ITGA9: variants seen among roughly 807,000 people sequenced by gnomAD.
The protein encoded by ITGA9 is integrin subunit alpha 9.
A neutral mutation model predicts 127.8 loss-of-function variants in ITGA9; 56 were observed. The ratio of observed to expected loss-of-function variants is 0.44; its 90% CI spans 0.35 to 0.55. ITGA9 has a LOEUF of 0.55. ITGA9 is among the 20% of genes least tolerant of loss of function. ITGA9 has a pLI of 0.00. For synonymous variants in ITGA9, 508 were observed against 514.5 expected, an observed-to-expected ratio of 0.99 and a Z score of 0.17; for missense variants, 1,196 against 1,347.1, an observed-to-expected ratio of 0.89 and a Z score of 1.76.
chr3:37,514,756 A>G (rs1023349658), intron 9 of ITGA9, among the ~76,000 whole-genome samples: 3 of 152,126 alleles, frequency 2.0e-5, no homozygotes, highest in Non-Finnish European at 4.4e-5. Flanking sequence ...TGTTTTTAGT[A>G]GAGATGGGGT....
At chr3:37,708,753 A>G (rs1701042136) in intron 18 of ITGA9, among the ~76,000 whole-genome samples, 1 of 1,808 alleles carries the variant, frequency 5.5e-4, no homozygotes, top group Non-Finnish European at 7.7e-4. Flanking sequence ...TTTACACATG[A>G]GATGAGGGTC....
At chr3:37,731,280 C>T (rs1332089364) in intron 18 of ITGA9, among the ~76,000 whole-genome samples, 3 of 152,040 alleles carry the variant, frequency 2.0e-5, no homozygotes, top group Non-Finnish European at 4.4e-5. Flanking sequence ...TGCAGTGGCA[C>T]CATCTCTGCT....
intron 1 of ITGA9, among the ~76,000 whole-genome samples, chr3:37,455,387 C>A (rs1302970585): frequency 6.6e-6 from 1 of 152,200 alleles, no homozygotes. Flanking sequence ...TCAAGGCATT[C>A]TTTATGTATT....
chr3:37,623,671 GTA>G (rs1324742898), intron 15 of ITGA9, among the ~76,000 whole-genome samples: 4 of 121,502 alleles, frequency 3.3e-5, no homozygotes, highest in Non-Finnish European at 5.2e-5. Flanking sequence ...GTGTGTGTGT[GTA>G]TGTGTGTGTG....
At chr3:37,516,454 A>G (rs1353012511) in intron 9 of ITGA9, among the ~76,000 whole-genome samples, 2 of 151,996 alleles carry the variant, frequency 1.3e-5, no homozygotes, top group Non-Finnish European at 2.9e-5. Context: ...GATCTTCCTT[A>G]TGGAGTCATT....
At chr3:37,790,675 G>C (rs1697098280) in intron 26 of ITGA9, 1 of 201,096 alleles carries the variant, frequency 5.0e-6, no homozygotes, top group Non-Finnish European at 1.0e-5. Context: ...GCGTTTCTCA[G>C]GGAGCATGTT....
chr3:37,460,448 T>G (rs756582468), intron 1 of ITGA9, among the ~76,000 whole-genome samples: 1 of 152,186 alleles, frequency 6.6e-6, no homozygotes, highest in Non-Finnish European at 1.5e-5. Flanking sequence ...AAGAGTATAA[T>G]TGAATCACTT....
intron 22 of ITGA9, chr3:37,748,764 AAAAG>A (rs1246947688): frequency 1.5e-6 from 1 of 645,942 alleles, no homozygotes; most frequent in Non-Finnish European, 2.7e-6. Flanking sequence ...AAAAAAAAAA[AAAAG>A]AAGGAAGCCA....
chr3:37,633,043 C>A (rs1364249324), intron 16 of ITGA9, among the ~76,000 whole-genome samples: 3 of 152,130 alleles, frequency 2.0e-5, no homozygotes, highest in African/African-American at 7.2e-5. Flanking sequence ...AACTCTGGAA[C>A]TAACTCTCAA....
Position 37,633,961 on chromosome 3 carries a change from A to G in ITGA9, c.1839+4625A>G, listed in dbSNP as rs149158800. Among the ~76,000 whole-genome samples, 573 of 152,360 alleles carry G rather than the reference A, an allele frequency of 3.8e-3. 2 individuals are homozygous for G. Among genetic ancestry groups the G allele is most frequent in the Admixed American group, 8.6e-3 (132 of 15,302 alleles). ...TCAAAAAATCGTAGGTTGAACCATT[A>G]TAAGTTGGAGACCGTCTCTATGTCA... is the stretch of plus-strand genomic sequence containing the variant. On this transcript the variant is annotated intron_variant, in intron 16 of 27. Transcript: ENST00000264741.
Position 37,799,338 on chromosome 3 carries a change from C to T in ITGA9, c.2890-4485C>T, listed in dbSNP as rs186971257. 2.0e-5 allele frequency among the ~76,000 whole-genome samples: 3 copies of T among 152,262 alleles called. No homozygotes were observed. The East Asian group carries it at 5.8e-4, about 29-fold the overall frequency. On this transcript the variant is annotated intron_variant, in intron 26 of 27. Coordinates refer to ENST00000264741, the MANE Select transcript of ITGA9 (RefSeq NM_002207.3). The surrounding 1 kb of genome is among the most constrained non-coding windows in gnomAD (Gnocchi z 4.0). Reference sequence around the variant, plus strand: ...GGACTACAGACATACACCATCACACCTGGCTGATTTTTGTATTTTTAGTAG... The same window carrying T: ...GGACTACAGACATACACCATCACACTTGGCTGATTTTTGTATTTTTAGTAG...
At chr3:37,616,365 G>A (rs1166798294) in intron 15 of ITGA9, among the ~76,000 whole-genome samples, 1 of 152,206 alleles carries the variant, frequency 6.6e-6, no homozygotes, top group African/African-American at 2.4e-5. Context: ...TACATTTGCT[G>A]AGGAGAGCTT....
intron 14 of ITGA9, among the ~76,000 whole-genome samples, chr3:37,537,378 G>C (rs1699219499): frequency 6.6e-6 from 1 of 152,136 alleles, no homozygotes; most frequent in East Asian, 1.9e-4. Context: ...CTCCATATTA[G>C]CAGAGCCTCA....
intron 15 of ITGA9, among the ~76,000 whole-genome samples, chr3:37,625,431 C>T (rs976394472): frequency 6.6e-6 from 1 of 152,190 alleles, no homozygotes; most frequent in Admixed American, 6.5e-5. Context: ...GCAAATTCTG[C>T]CACCAGCCTG....
At chr3:37,642,633 G>A (rs1280109277) in intron 16 of ITGA9, among the ~76,000 whole-genome samples, 1 of 152,256 alleles carries the variant, frequency 6.6e-6, no homozygotes, top group African/African-American at 2.4e-5. Flanking sequence ...CGGTATGTTT[G>A]TAGTGACTAC....
intron 17 of ITGA9, among the ~76,000 whole-genome samples, chr3:37,656,701 G>T (rs1415879149): frequency 6.6e-6 from 1 of 151,944 alleles, no homozygotes; most frequent in Non-Finnish European, 1.5e-5. Flanking sequence ...TTGCCTGATT[G>T]CCCTGGCCAG....
In ITGA9 at chr3:37,683,852, T is replaced by A. The variant is rs1016778104; in HGVS notation, c.1917-13T>A. 1 of 1,613,640 alleles carries A rather than the reference T, an allele frequency of 6.2e-7. No individual in the cohort carries two copies. Among genetic ancestry groups the A allele is most frequent in the Non-Finnish European group, 8.5e-7 (1 of 1,179,852 alleles). The stretch of plus-strand genomic sequence containing the variant: ...GCCTCAGGGCATTCATTGCTGTCTA[T>A]TTTTCGTTACAGTATGGATGAGAAA... On this transcript the variant is annotated splice_polypyrimidine_tract_variant and intron_variant, in intron 17 of 27. Transcript: ENST00000264741.
At chr3:37,766,784 A>G (rs1226828375) in intron 23 of ITGA9, among the ~76,000 whole-genome samples, 1 of 152,238 alleles carries the variant, frequency 6.6e-6, no homozygotes, top group African/African-American at 2.4e-5. Flanking sequence ...TTATCTGTGG[A>G]AGGAAAACAT....
At chr3:37,627,244 G>A (rs1298810386) in intron 15 of ITGA9, among the ~76,000 whole-genome samples, 2 of 152,158 alleles carry the variant, frequency 1.3e-5, no homozygotes, top group South Asian at 2.1e-4. Flanking sequence ...TCATCTGCCA[G>A]TCACTCGGGC....
Sources: gnomAD v4.1 joint callset for allele counts (sites outside exome capture counted in the v4.1 genomes callset) on GRCh38, gnomAD v4.1.1 for gene constraint, Gnocchi (gnomAD v3.1) non-coding constraint, MANE v1.5 for transcripts, NCBI Gene and HGNC (gene_info 2026-07-23, HGNC 2026-07-21) for gene names.